The following CUX1 variants were observed in gnomAD, a reference collection of about 807,000 sequenced individuals.
CUX1 encodes protein CASP.
A neutral mutation model predicts 158.8 loss-of-function variants in CUX1; 31 were observed. The observed-to-expected ratio is 0.20, with a 90% CI of 0.15 to 0.26. The LOEUF is 0.26. Among genes scored for constraint, CUX1 ranks in the 10% least tolerant of loss-of-function variants. CUX1 has a pLI of 1.00. For missense variants in CUX1, 1,589 were observed against 2,014.6 expected (o/e 0.79, Z 4.04); for synonymous variants, 879 against 862.1 (o/e 1.02, Z -0.34).
chr7:101,985,332 G>A (rs1814152820), intron 2 of CUX1, among the ~76,000 whole-genome samples: 1 of 152,182 alleles, frequency 6.6e-6, no homozygotes. Context: ...CTGTGGGGGA[G>A]ACACAGACAG....
chr7:102,274,081 T>A, intron 15 of CUX1: 1 of 649,054 alleles, frequency 1.5e-6, no homozygotes, highest in Middle Eastern at 4.3e-4. Context: ...GTAGCTCATG[T>A]CACGTGTCCA....
intron 17 of CUX1, chr7:102,277,925 C>A: frequency 9.6e-7 from 1 of 1,037,296 alleles, no homozygotes; most frequent in Middle Eastern, 3.0e-4. Context: ...TCCCCCACCC[C>A]TTTCCTTGCC....
chr7:102,174,286 T>C (rs1486075067), intron 10 of CUX1, among the ~76,000 whole-genome samples: 1 of 152,032 alleles, frequency 6.6e-6, no homozygotes, highest in Non-Finnish European at 1.5e-5. Flanking sequence ...ACCTGGCTAG[T>C]TTTTGTATTT....
Position 102,255,279 on chromosome 7 carries a change from T to C in CUX1, c.*6237T>C. ...CCATCCGTGGCATCATCTCGAGTTT[T>C]CATTTTTGGATGAAGTGACATTTAG... On this transcript the variant is annotated 3_prime_UTR_variant, in exon 24 of 24. Coordinates refer to ENST00000292535, the MANE Select transcript of CUX1 (RefSeq NM_181552.4). 1.0e-6 allele frequency: 1 copy of C among 985,288 alleles called. No individual in the cohort carries two copies. The highest frequency in any genetic ancestry group is 1.2e-6 in the Non-Finnish European group (1 of 829,930). The allele number at this position is 985,288 out of a possible 1,614,324, so 61.0% of individuals were successfully genotyped here. A position where few individuals can be genotyped will look rare whatever the true frequency, so the allele number is the denominator to read the frequency against.
At chr7:102,137,220 A>G (rs1554498991) in intron 8 of CUX1, among the ~76,000 whole-genome samples, 1 of 152,192 alleles carries the variant, frequency 6.6e-6, no homozygotes, top group African/African-American at 2.4e-5. Context: ...CCCCTCTGTA[A>G]ATTGAACTGT....
chr7:101,840,647 T>C (rs946620795), intron 1 of CUX1, among the ~76,000 whole-genome samples: 1 of 152,172 alleles, frequency 6.6e-6, no homozygotes, highest in Admixed American at 6.5e-5. Context: ...TCTGTGTTAT[T>C]AAGTGAAATT....
At chr7:102,030,028 T>G (rs1485386030) in intron 3 of CUX1, among the ~76,000 whole-genome samples, 1 of 151,978 alleles carries the variant, frequency 6.6e-6, no homozygotes, top group Non-Finnish European at 1.5e-5. Context: ...TTTTTTTTTT[T>G]GAGACAGATT....
At chr7:102,222,181 A>C (rs1756038692) in intron 20 of CUX1, among the ~76,000 whole-genome samples, 1 of 152,098 alleles carries the variant, frequency 6.6e-6, no homozygotes. Flanking sequence ...AGGAGGCTAA[A>C]GTGGGAGGGT....
intron 14 of CUX1, among the ~76,000 whole-genome samples, chr7:102,265,300 G>A (rs1024061451): frequency 1.1e-4 from 16 of 149,650 alleles, no homozygotes; most frequent in Non-Finnish European, 2.2e-4. Context: ...AGGTTGCAGT[G>A]AGCCGAGATT....
chr7:102,237,728 A>G (rs1799726534), intron 22 of CUX1, among the ~76,000 whole-genome samples: 1 of 152,184 alleles, frequency 6.6e-6, no homozygotes, highest in South Asian at 2.1e-4. Flanking sequence ...ACACAAGACA[A>G]AGAGATAAAA....
intron 1 of CUX1, among the ~76,000 whole-genome samples, chr7:101,898,597 T>A (rs1253137314): frequency 6.7e-6 from 1 of 148,512 alleles, no homozygotes; most frequent in African/African-American, 2.5e-5. Flanking sequence ...TTTTTTTTTT[T>A]TTTTTTTTTT....
intron 3 of CUX1, among the ~76,000 whole-genome samples, chr7:102,061,395 G>T (rs1009539826): frequency 1.3e-5 from 2 of 152,172 alleles, no homozygotes; most frequent in African/African-American, 4.8e-5. Context: ...CCTAGGAGGG[G>T]CCAGGAGCCA....
At chr7:102,149,231 C>G (rs1014746814) in intron 8 of CUX1, among the ~76,000 whole-genome samples, 4 of 152,188 alleles carry the variant, frequency 2.6e-5, no homozygotes, top group African/African-American at 9.6e-5. Context: ...CTCAGTAAAT[C>G]TGTACTCATC....
At chr7:102,159,210 T>C (rs1450652965) in intron 9 of CUX1, among the ~76,000 whole-genome samples, 1 of 151,186 alleles carries the variant, frequency 6.6e-6, no homozygotes, top group Non-Finnish European at 1.5e-5. Context: ...CTCACCACGG[T>C]GTTATCCTAG....
chr7:102,085,702 C>T (rs1827890105), intron 4 of CUX1, among the ~76,000 whole-genome samples: 1 of 152,200 alleles, frequency 6.6e-6, no homozygotes, highest in Admixed American at 6.5e-5. Flanking sequence ...CAGACTAATA[C>T]AGAAATATAC....
At chr7:102,026,001 A>G (rs771437300) in intron 2 of CUX1, among the ~76,000 whole-genome samples, 3 of 152,126 alleles carry the variant, frequency 2.0e-5, no homozygotes, top group Non-Finnish European at 4.4e-5. Context: ...ACATAGCAAG[A>G]CCCTTATCTC....
intron 14 of CUX1, among the ~76,000 whole-genome samples, chr7:102,263,457 G>A (rs1790565084): frequency 6.6e-6 from 1 of 151,528 alleles, no homozygotes; most frequent in South Asian, 2.1e-4. Flanking sequence ...GGGACTACAG[G>A]TGCACACTGC....
intron 11 of CUX1, among the ~76,000 whole-genome samples, chr7:102,187,208 T>C (rs200477813): frequency 3.3e-5 from 5 of 151,768 alleles, no homozygotes; most frequent in East Asian, 3.9e-4. Flanking sequence ...TTAGCAGTGC[T>C]AAGAGTCCCA....
intron 3 of CUX1, among the ~76,000 whole-genome samples, chr7:102,058,236 G>A (rs1481033046): frequency 6.6e-6 from 1 of 152,112 alleles, no homozygotes; most frequent in East Asian, 1.9e-4. Context: ...AAAAATTTAT[G>A]TGACTTGCTT....
Sources: gnomAD v4.1 joint callset for allele counts (sites outside exome capture counted in the v4.1 genomes callset) on GRCh38, gnomAD v4.1.1 for gene constraint, MANE v1.5 for transcripts, NCBI Gene and HGNC (gene_info 2026-07-23, HGNC 2026-07-21) for gene names.